The following ARHGAP40 variants were observed in gnomAD, a reference collection of about 807,000 sequenced individuals.
ARHGAP40 encodes the protein rho GTPase-activating protein 40.
A neutral mutation model predicts 73.5 loss-of-function variants in ARHGAP40; 43 were observed. That is an observed-to-expected ratio of 0.58 (90% CI 0.46 to 0.75). ARHGAP40 has a LOEUF of 0.75. Among genes scored for constraint, ARHGAP40 ranks in the 30% least tolerant of loss-of-function variants. The probability of loss-of-function intolerance (pLI) is 0.00; values close to 1 mark genes in which losing one functional copy is unlikely to be tolerated. For missense variants in ARHGAP40, 734 were observed against 861.8 expected, an observed-to-expected ratio of 0.85 and a Z score of 1.86; for synonymous variants, 300 against 352.8, an observed-to-expected ratio of 0.85 and a Z score of 1.68.
At chr20:38,649,731 A>T (rs1195749475) in intron 14 of ARHGAP40, 26 bp from the exon 15 acceptor site, 1 of 1,244,186 alleles carries the variant, frequency 8.0e-7, no homozygotes, top group Non-Finnish European at 1.1e-6. Flanking sequence ...CTCCCACTCA[A>T]CCTCCTTCAC....
chr20:38,609,980 A>T (rs956104982), intron 1 of ARHGAP40, among the ~76,000 whole-genome samples: 1 of 152,240 alleles, frequency 6.6e-6, no homozygotes, highest in East Asian at 1.9e-4. Context: ...TGCAGCAAAG[A>T]CAGGGATAAT....
At position 38,615,046 on chromosome 20, in the gene ARHGAP40, G is replaced by A. The variant is rs546884910; in HGVS notation, c.138-8313G>A. 1.5e-4 allele frequency: 149 copies of A among 1,005,472 alleles called. 2 individuals carry two copies. The East Asian group carries it at 3.4e-3, about 23-fold the overall frequency. 62.3% of individuals were successfully genotyped at this position (1,005,472 alleles called of 1,614,324 possible). The stretch of plus-strand genomic sequence containing the variant: ...AAGGTCAAGTTATCCGGCTTGGCAT[G>A]TGCCTCCTGTTGCCTCACAAAGCTG... On this transcript the variant is annotated intron_variant, in intron 1 of 14. Coordinates refer to ENST00000373345, the Ensembl canonical transcript of ARHGAP40.
intron 2 of ARHGAP40, 40 bp from the exon 3 acceptor site, chr20:38,626,955 G>C: frequency 1.5e-6 from 2 of 1,294,562 alleles, no homozygotes; most frequent in Non-Finnish European, 2.0e-6. Context: ...GCTGAGTGCA[G>C]AGCTGTGTGT....
intron 9 of ARHGAP40, among the ~76,000 whole-genome samples, chr20:38,640,650 G>C (rs952656786): frequency 7.9e-5 from 12 of 152,082 alleles, no homozygotes; most frequent in Non-Finnish European, 1.3e-4. Context: ...GCCTATTTCT[G>C]GCCCCCTTTC....
Position 38,646,105 on chromosome 20 carries a change from C to T in ARHGAP40, c.1628C>T (p.Pro543Leu). Residue 543 changes from proline to leucine, a missense_variant, in exon 12 of 15, where the codon CCC becomes CTC. By Grantham distance (98) the Pro-to-Leu change is moderately conservative. Transcript: ENST00000373345. This position sits in a 1 kb window ranked among gnomAD's most constrained non-coding sequence, Gnocchi z 4.5. ...CTGAACGACAGTAGCAGCAGGCGCC[C>T]CCAGCTCTGCGACGCAGGCCTCAAG... is the stretch of plus-strand genomic sequence containing the variant. The T allele has an allele frequency of 7.7e-7, 1 of 1,304,242 alleles. No homozygotes were observed. The highest frequency in any genetic ancestry group is 1.0e-6 in the Non-Finnish European group (1 of 988,882). The allele number at this position is 1,304,242 out of a possible 1,614,324, so 80.8% of individuals were successfully genotyped here.
chr20:38,629,427 T>G, intron 4 of ARHGAP40, 75 bp from the exon 5 acceptor site: 1 of 1,284,436 alleles, frequency 7.8e-7, no homozygotes. Context: ...AGGGCCTAAG[T>G]CCCGAACCCA....
Position 38,634,771 on chromosome 20 carries a change from A to G in ARHGAP40, c.935A>G (p.Lys312Arg), listed in dbSNP as rs943935455. 1.3e-5 allele frequency: 17 copies of G among 1,289,124 alleles called. No individual in the cohort carries two copies. Among genetic ancestry groups the G allele is most frequent in the Non-Finnish European group, 1.7e-5 (17 of 980,372 alleles). The allele number at this position is 1,289,124 out of a possible 1,614,324, so 79.9% of individuals were successfully genotyped here. The stretch of plus-strand genomic sequence containing the variant: ...GACCTGAAGAGGAGCAAGGCGGGGA[A>G]GTGGAAAGCGGCAGGTGAGCAGCCC... Residue 312 changes from lysine (K) to arginine (R), a missense_variant, in exon 6 of 15, where the codon AAG (lysine) becomes AGG (arginine). By Grantham distance (26) the Lys-to-Arg change is conservative. Coordinates refer to ENST00000373345, the Ensembl canonical transcript of ARHGAP40.
chr20:38,627,444 G>GTGTGTGTATGTTGGTGTGTGCATGTTGGT (rs1257179143), intron 3 of ARHGAP40, among the ~76,000 whole-genome samples: 124 of 92,892 alleles, frequency 1.3e-3, no homozygotes, highest in Non-Finnish European at 2.9e-3. Flanking sequence ...CTGTGTTGGG[G>GTGTGTGTATGTTGGTGTGTGCATGTTGGT]GTGTGTGTGT....
chr20:38,624,533 C>T (rs934326001), intron 2 of ARHGAP40, among the ~76,000 whole-genome samples: 3 of 152,158 alleles, frequency 2.0e-5, no homozygotes, highest in Admixed American at 6.5e-5. Context: ...TAATTGGCTT[C>T]GTGCCTCCTC....
intron 14 of ARHGAP40, among the ~76,000 whole-genome samples, chr20:38,649,552 CCA>C (rs2089075113): frequency 6.8e-6 from 1 of 146,824 alleles, no homozygotes; most frequent in Non-Finnish European, 1.6e-5. Flanking sequence ...CGTGGGCTTC[CCA>C]GGGGAAAGGG....
exon 15 of ARHGAP40, chr20:38,650,227 G>A (rs1295698552): frequency 1.2e-5 from 5 of 405,916 alleles, no homozygotes; most frequent in East Asian, 7.1e-5. Context: ...GCTGTATGAC[G>A]CCACCACTTG....
chr20:38,619,449 A>G (rs754183452), intron 1 of ARHGAP40, among the ~76,000 whole-genome samples: 7 of 151,912 alleles, frequency 4.6e-5, no homozygotes, highest in Non-Finnish European at 1.0e-4. Flanking sequence ...GGTAACATTC[A>G]TTAGGGGTTC....
chr20:38,617,379 G>T (rs952255596), intron 1 of ARHGAP40, among the ~76,000 whole-genome samples: 3 of 152,150 alleles, frequency 2.0e-5, no homozygotes, highest in Admixed American at 2.0e-4. Context: ...TATTCTCACT[G>T]CCTGCTATGA....
At chr20:38,610,140 C>G (rs2088795847) in intron 1 of ARHGAP40, among the ~76,000 whole-genome samples, 1 of 152,138 alleles carries the variant, frequency 6.6e-6, no homozygotes, top group Non-Finnish European at 1.5e-5. Flanking sequence ...GATCCGAGAA[C>G]CACTAAAATT....
Position 38,623,411 on chromosome 20 carries a change from C to T in ARHGAP40, c.190C>T (p.Arg64Ter), listed in dbSNP as rs199950223. Reference sequence around the variant, plus strand: ...TCAGCTTCCCCAGAAGAATCTCCTGCGACTACACCCTGCTGGCTCTGCTGG... The same window carrying T: ...TCAGCTTCCCCAGAAGAATCTCCTGTGACTACACCCTGCTGGCTCTGCTGG... Residue 64 changes from arginine (R) to a stop codon, truncating the protein, a stop_gained, in exon 2 of 15, where the codon CGA becomes TGA. Transcript: ENST00000373345. LOFTEE classifies it high-confidence loss of function. 2,072 of 1,290,858 alleles carry T rather than the reference C, an allele frequency of 1.6e-3. 2 individuals carry two copies. Among genetic ancestry groups the T allele is most frequent in the Non-Finnish European group, 2.0e-3 (1,945 of 988,826 alleles). The allele number at this position is 1,290,858 out of a possible 1,614,324, so 80.0% of individuals were successfully genotyped here.
chr20:38,633,061 T>C (rs1048832144), intron 5 of ARHGAP40, among the ~76,000 whole-genome samples: 6 of 151,608 alleles, frequency 4.0e-5, no homozygotes, highest in African/African-American at 1.5e-4. Context: ...AGACAGAGAT[T>C]GTAGTGAGCA....
At chr20:38,639,151 A>T (rs2088996870) in intron 8 of ARHGAP40, 76 bp from the exon 9 acceptor site, 4 of 1,271,580 alleles carry the variant, frequency 3.1e-6, no homozygotes, top group Non-Finnish European at 4.1e-6. Flanking sequence ...GAGGAAACCA[A>T]GCCCCAGAGA....
chr20:38,650,355 GA>G (rs978124997), exon 15 of ARHGAP40: 6 of 471,184 alleles, frequency 1.3e-5, no homozygotes, highest in African/African-American at 1.2e-4. Context: ...AAATTGTTTC[GA>G]AAGTGGCCCT....
rs574493628 is a variant in ARHGAP40, at chr20:38,644,311, G to A, written c.1569+401G>A. Among the ~76,000 whole-genome samples, 370 of 152,152 alleles carry A rather than the reference G, an allele frequency of 2.4e-3. 1 individual carries two copies. The highest frequency in any genetic ancestry group is 4.2e-3 in the Non-Finnish European group (286 of 67,986). ...ATACCCCTGCCCTCCTGCCCCCACC[G>A]TGAGCTTTGCCCTGAGTAACAAGTG... On this transcript the variant is annotated intron_variant, in intron 11 of 14. Transcript: ENST00000373345.
Sources: gnomAD v4.1 joint callset for allele counts (sites outside exome capture counted in the v4.1 genomes callset) on GRCh38, gnomAD v4.1.1 for gene constraint, Gnocchi (gnomAD v3.1) non-coding constraint, MANE v1.5 for transcripts, NCBI Gene and HGNC (gene_info 2026-07-23, HGNC 2026-07-21) for gene names.